The following TENM4 variants were observed in gnomAD, a reference collection of about 807,000 sequenced individuals.
TENM4 encodes the protein teneurin-4.
In TENM4, 82 loss-of-function variants were observed where a neutral mutation model predicts 243.3. That is an observed-to-expected ratio of 0.34 (90% confidence interval 0.28 to 0.40). TENM4 has a LOEUF of 0.40. TENM4 is among the 10% of genes least tolerant of loss of function. The probability of loss-of-function intolerance (pLI) is 1.00; values close to 1 mark genes in which losing one functional copy is unlikely to be tolerated. For missense variants in TENM4, 3,138 were observed against 3,673.3 expected (o/e 0.85, Z 3.77); for synonymous variants, 1,412 against 1,456.3 (o/e 0.97, Z 0.69).
intron 20 of TENM4, 109 bp from the exon 21 acceptor site, chr11:78,732,686 G>C (rs904338018): frequency 1.8e-5 from 23 of 1,312,110 alleles, no homozygotes; most frequent in Middle Eastern, 5.5e-4. Context: ...AAGGGTCTCA[G>C]CATTTCTTGA....
intron 2 of TENM4, among the ~76,000 whole-genome samples, chr11:79,264,693 A>G (rs374719350): frequency 2.0e-5 from 3 of 152,300 alleles, no homozygotes; most frequent in African/African-American, 7.2e-5. Context: ...TGGAAATGGG[A>G]CTAAAATCAC....
intron 6 of TENM4, among the ~76,000 whole-genome samples, chr11:79,000,011 A>T (rs1018480692): frequency 2.6e-5 from 4 of 152,264 alleles, no homozygotes; most frequent in Non-Finnish European, 5.9e-5. Flanking sequence ...AATTTTGAAA[A>T]TTGGTAAGAG....
At chr11:78,927,085 G>A (rs1450485658) in intron 6 of TENM4, among the ~76,000 whole-genome samples, 1 of 152,186 alleles carries the variant, frequency 6.6e-6, no homozygotes, top group African/African-American at 2.4e-5. Flanking sequence ...GTCCATGTAT[G>A]AGCATGATGT....
chr11:79,325,676 A>AAGTACCC (rs1856963069), intron 1 of TENM4, among the ~76,000 whole-genome samples: 1 of 152,342 alleles, frequency 6.6e-6, no homozygotes, highest in African/African-American at 2.4e-5. Flanking sequence ...CACTGTAGGA[A>AAGTACCC]AGTACCCAGT....
At chr11:79,291,566 A>G (rs561602260) in intron 2 of TENM4, among the ~76,000 whole-genome samples, 21 of 152,244 alleles carry the variant, frequency 1.4e-4, no homozygotes, top group African/African-American at 3.9e-4. Context: ...CCTATCTCCT[A>G]TGGAAATCCC....
intron 9 of TENM4, 53 bp from the exon 10 acceptor site, chr11:78,863,185 A>G: frequency 1.4e-6 from 2 of 1,431,574 alleles, no homozygotes; most frequent in South Asian, 3.0e-5. Context: ...CAGAAACGGG[A>G]CTCCCAAGCC....
chr11:78,777,800 A>G (rs1218399427), intron 17 of TENM4, among the ~76,000 whole-genome samples: 5 of 152,198 alleles, frequency 3.3e-5, no homozygotes, highest in Non-Finnish European at 2.9e-5. Flanking sequence ...GAACAAAAAG[A>G]TGAATATGAC....
intron 19 of TENM4, among the ~76,000 whole-genome samples, chr11:78,741,563 A>T (rs990831792): frequency 1.3e-5 from 2 of 152,196 alleles, no homozygotes; most frequent in African/African-American, 4.8e-5. Flanking sequence ...AGTTTTGAGT[A>T]TTTATTACCT....
intron 4 of TENM4, among the ~76,000 whole-genome samples, chr11:79,091,116 T>C (rs1488548525): frequency 6.6e-6 from 1 of 152,224 alleles, no homozygotes; most frequent in African/African-American, 2.4e-5. Context: ...AGGCGCTTAC[T>C]TATTTTTTAT....
At chr11:79,261,746 G>T (rs981769859) in intron 2 of TENM4, among the ~76,000 whole-genome samples, 1 of 152,124 alleles carries the variant, frequency 6.6e-6, no homozygotes, top group Non-Finnish European at 1.5e-5. Context: ...CATTTAAAAA[G>T]CACAGATCTT....
At chr11:79,110,572 T>C (rs1480340185) in intron 4 of TENM4, among the ~76,000 whole-genome samples, 2 of 152,164 alleles carry the variant, frequency 1.3e-5, no homozygotes, top group African/African-American at 4.8e-5. Flanking sequence ...CAGGTGACAG[T>C]GCTGGCCTAG....
intron 4 of TENM4, chr11:79,096,924 G>GCACACACACACACACACACA (rs1050585071): frequency 8.2e-6 from 1 of 121,304 alleles, no homozygotes; most frequent in South Asian, 2.5e-4. Context: ...ATGCGCGCGC[G>GCACACACACACACACACACA]CGCGCACACA....
intron 6 of TENM4, among the ~76,000 whole-genome samples, chr11:79,014,324 A>C (rs1858719636): frequency 6.6e-6 from 1 of 152,172 alleles, no homozygotes; most frequent in African/African-American, 2.4e-5. Context: ...GGTGATAGAG[A>C]GGAAGCCTCT....
chr11:79,069,816 C>G lies in TENM4; in HGVS notation c.129G>C (p.Glu43Asp). ...CGTCCTGGTCGTAGGCCTTCAGGGT[C>G]TCGCTGGAGCTGTACGATTTCTGCG... ...KAPQKSYSSS[E>D]TLKAYDQDAR... The change falls in exon 5 of 34, where the codon GAG (glutamate) becomes GAC (aspartate). Residue 43 changes from glutamate (E) to aspartate (D), a missense_variant. By Grantham distance (45) the Glu-to-Asp change is conservative (BLOSUM62 2). Transcript: ENST00000278550. 1 of 1,551,138 alleles carries G rather than the reference C, an allele frequency of 6.4e-7. No homozygotes were observed. Among genetic ancestry groups the G allele is most frequent in the African/African-American group, 1.4e-5 (1 of 73,194 alleles).
intron 7 of TENM4, among the ~76,000 whole-genome samples, chr11:78,896,000 A>G (rs752991743): frequency 2.0e-5 from 3 of 152,116 alleles, no homozygotes; most frequent in Non-Finnish European, 4.4e-5. Flanking sequence ...TGCCTGTAGG[A>G]GGGGCTCCCA....
chr11:78,990,066 A>G (rs1858005791), intron 6 of TENM4, among the ~76,000 whole-genome samples: 1 of 150,984 alleles, frequency 6.6e-6, no homozygotes, highest in Non-Finnish European at 1.5e-5. Flanking sequence ...CTTTGTTTAA[A>G]AAAAAAAAAA....
chr11:78,922,201 T>C (rs1856462444), intron 6 of TENM4, among the ~76,000 whole-genome samples: 1 of 152,134 alleles, frequency 6.6e-6, no homozygotes, highest in African/African-American at 2.4e-5. Flanking sequence ...CCTTGAAGGA[T>C]GGACAGAATT....
intron 6 of TENM4, among the ~76,000 whole-genome samples, chr11:79,037,186 G>T (rs1321776999): frequency 6.6e-6 from 1 of 152,200 alleles, no homozygotes; most frequent in African/African-American, 2.4e-5. Context: ...ATGCACATGG[G>T]CCAGCTGCCT....
intron 2 of TENM4, among the ~76,000 whole-genome samples, chr11:79,286,836 T>C (rs548596033): frequency 2.6e-5 from 4 of 152,226 alleles, no homozygotes; most frequent in African/African-American, 4.8e-5. Flanking sequence ...AATTGGGAAA[T>C]AGATGAATTA....
Sources: gnomAD v4.1 joint callset for allele counts (sites outside exome capture counted in the v4.1 genomes callset) on GRCh38, gnomAD v4.1.1 for gene constraint, MANE v1.5 for transcripts, NCBI Gene and HGNC (gene_info 2026-07-23, HGNC 2026-07-21) for gene names.